ZFYVE28: variants seen among roughly 807,000 people sequenced by gnomAD.
ZFYVE28 encodes lateral signaling target protein 2 homolog.
Under a neutral mutation model 82.1 loss-of-function variants are expected in ZFYVE28, and 40 were observed. The observed-to-expected ratio is 0.49, with a 90% confidence interval of 0.38 to 0.63. The LOEUF (loss-of-function observed/expected upper bound fraction) is 0.63. ZFYVE28 is among the 30% of genes least tolerant of loss of function. ZFYVE28 has a pLI of 0.00. For missense variants in ZFYVE28, 1,321 were observed against 1,242.1 expected (o/e 1.06, Z -0.96); for synonymous variants, 612 against 546.1 (o/e 1.12, Z -1.68).
In ZFYVE28 at chr4:2,320,057, T is replaced by C; in HGVS notation, c.803+113A>G. 1.0e-6 allele frequency: 1 copy of C among 975,032 alleles called. No individual in the cohort carries two copies. The highest frequency in any genetic ancestry group is 1.5e-5 in the South Asian group (1 of 65,910). 60.4% of individuals were successfully genotyped at this position (975,032 alleles called of 1,614,324 possible). ...CTAGGGAATATTAACCAGCCCATCC[T>C]TCCTCACAGAGAGGAGGAGGACCTG... On this transcript the variant is annotated intron_variant, in intron 7 of 12. Coordinates refer to ENST00000290974, the MANE Select transcript of ZFYVE28 (RefSeq NM_020972.3). The surrounding 1 kb of genome is among the most constrained non-coding windows in gnomAD (Gnocchi z 5.1).
chr4:2,380,723 A>C (rs1728642889), intron 1 of ZFYVE28, among the ~76,000 whole-genome samples: 1 of 152,198 alleles, frequency 6.6e-6, no homozygotes, highest in African/African-American at 2.4e-5. Context: ...TAAGTCTCAC[A>C]AGGACTGATG....
chr4:2,295,835 C>T (rs1249391072), intron 8 of ZFYVE28: 1 of 152,294 alleles, frequency 6.6e-6, no homozygotes, highest in Non-Finnish European at 1.5e-5. Flanking sequence ...CAGCACTGGC[C>T]AGAGGACCAG....
At chr4:2,326,223 TG>T (rs1210437814) in intron 6 of ZFYVE28, among the ~76,000 whole-genome samples, 1 of 152,244 alleles carries the variant, frequency 6.6e-6, no homozygotes, top group African/African-American at 2.4e-5. Flanking sequence ...CATTTTGAGT[TG>T]ATTTTTTATA....
At position 2,409,318 on chromosome 4, in the gene ZFYVE28, C is replaced by A. The variant is rs1381897820; in HGVS notation, c.39+8967G>T. 6.6e-6 allele frequency among the ~76,000 whole-genome samples: 1 copy of A among 152,018 alleles called. No homozygotes were observed. The highest frequency in any genetic ancestry group is 1.5e-5 in the Non-Finnish European group (1 of 67,980). ...GCCATCCTCTCGCTGGAATCCCCGC[C>A]ACCCACCAGTCCCAGCTTCCAATCT... On this transcript the variant is annotated intron_variant, in intron 1 of 12. Coordinates refer to ENST00000290974, the MANE Select transcript of ZFYVE28 (RefSeq NM_020972.3). This position sits in a 1 kb window ranked among gnomAD's most constrained non-coding sequence, Gnocchi z 4.4.
chr4:2,290,760 C>T (rs1713524285), intron 8 of ZFYVE28, among the ~76,000 whole-genome samples: 1 of 152,140 alleles, frequency 6.6e-6, no homozygotes, highest in South Asian at 2.1e-4. Flanking sequence ...CACCTGGCTC[C>T]TTGCTTCCCC....
Position 2,270,383 on chromosome 4 carries a change from T to G in ZFYVE28, c.*342A>C. On this transcript the variant is annotated 3_prime_UTR_variant, in exon 13 of 13. Coordinates refer to ENST00000290974, the MANE Select transcript of ZFYVE28 (RefSeq NM_020972.3). ...CAGAGTGGCCCCACTCTTGTCCACC[T>G]CCATCACCCGCCCCGATTCCCATAG... 3.0e-6 allele frequency: 1 copy of G among 334,076 alleles called. No homozygotes were observed. Among genetic ancestry groups the G allele is most frequent in the Non-Finnish European group, 5.7e-6 (1 of 175,230 alleles). The allele number at this position is 334,076 out of a possible 1,614,324, so 20.7% of individuals were successfully genotyped here.
chr4:2,349,991 AC>A (rs1282281522), intron 2 of ZFYVE28, among the ~76,000 whole-genome samples: 1 of 151,332 alleles, frequency 6.6e-6, no homozygotes, highest in Non-Finnish European at 1.5e-5. Flanking sequence ...CTTCTATTCA[AC>A]TTTGTACTGG....
At chr4:2,352,256 C>T (rs542549846) in intron 2 of ZFYVE28, among the ~76,000 whole-genome samples, 48 of 152,126 alleles carry the variant, frequency 3.2e-4, no homozygotes, top group African/African-American at 1.0e-3. Context: ...CCTGGATCTG[C>T]GGGGAGGAGA....
chr4:2,333,130 G>T (rs1006430354), intron 6 of ZFYVE28, among the ~76,000 whole-genome samples: 3 of 151,700 alleles, frequency 2.0e-5, no homozygotes, highest in African/African-American at 4.8e-5. Context: ...GCGGGACAAA[G>T]CCTCTGCCAA....
At chr4:2,398,306 G>A (rs1473540688) in intron 1 of ZFYVE28, among the ~76,000 whole-genome samples, 3 of 152,210 alleles carry the variant, frequency 2.0e-5, no homozygotes, top group Non-Finnish European at 4.4e-5. Context: ...GGAGCGACCA[G>A]AACACAAAGC....
chr4:2,318,344 G>A (rs1394620482), intron 7 of ZFYVE28, among the ~76,000 whole-genome samples: 1 of 152,184 alleles, frequency 6.6e-6, no homozygotes, highest in Non-Finnish European at 1.5e-5. Flanking sequence ...GATCACCTGA[G>A]GTCAGGAGTT....
intron 8 of ZFYVE28, among the ~76,000 whole-genome samples, chr4:2,297,728 C>G (rs1038072196): frequency 6.6e-6 from 1 of 151,392 alleles, no homozygotes; most frequent in African/African-American, 2.4e-5. Context: ...CTGGGAGGAA[C>G]GGCAGAGGAC....
In ZFYVE28 at chr4:2,320,106, C is replaced by A; in HGVS notation, c.803+64G>T. 2 of 1,516,436 alleles carry A rather than the reference C, an allele frequency of 1.3e-6. No individual in the cohort carries two copies. Among genetic ancestry groups the A allele is most frequent in the Non-Finnish European group, 1.8e-6 (2 of 1,096,676 alleles). 93.9% of individuals were successfully genotyped at this position (1,516,436 alleles called of 1,614,324 possible). A position where few individuals can be genotyped will look rare whatever the true frequency, so the allele number is the denominator to read the frequency against. ...TGGAGGCGGCGGCTAAACATGACTT[C>A]AGCGCCCACCTGTGGCCCTCCTGTC... On this transcript the variant is annotated intron_variant, in intron 7 of 12. Coordinates refer to ENST00000290974, the MANE Select transcript of ZFYVE28 (RefSeq NM_020972.3). The surrounding 1 kb of genome is among the most constrained non-coding windows in gnomAD (Gnocchi z 5.1).
At chr4:2,283,669 T>C (rs1042511235) in intron 8 of ZFYVE28, among the ~76,000 whole-genome samples, 1 of 152,186 alleles carries the variant, frequency 6.6e-6, no homozygotes, top group Non-Finnish European at 1.5e-5. Context: ...AGTTCAGCCC[T>C]AAGGAGCTCA....
intron 11 of ZFYVE28, 121 bp from the exon 12 acceptor site, chr4:2,271,535 C>T: frequency 7.0e-7 from 1 of 1,425,888 alleles, no homozygotes; most frequent in Non-Finnish European, 9.8e-7. Flanking sequence ...TCCAGCCAGC[C>T]TCCGGGGGGG....
chr4:2,305,307 G>A lies in ZFYVE28; in HGVS notation c.1033C>T (p.Leu345Phe). ...MQYDDQELEQ[L>F]SRMVHRAGDE... ...CCCGCCCTGTGGACCATGCGGCTGA[G>A]CTGCTCCAGCTCCTGGTCGTCGTAC... The change falls in exon 8 of 13, where the codon CTC becomes TTC. Residue 345 changes from leucine to phenylalanine, a missense_variant. Transcript: ENST00000290974. 1 of 1,613,180 alleles carries A rather than the reference G, an allele frequency of 6.2e-7. No homozygotes were observed. The highest frequency in any genetic ancestry group is 8.5e-7 in the Non-Finnish European group (1 of 1,180,032).
chr4:2,391,763 T>C (rs1729865772), intron 1 of ZFYVE28, among the ~76,000 whole-genome samples: 1 of 139,114 alleles, frequency 7.2e-6, no homozygotes, highest in Admixed American at 7.9e-5. Flanking sequence ...TGTGACTGAG[T>C]CTTGCTCTGT....
intron 7 of ZFYVE28, among the ~76,000 whole-genome samples, chr4:2,314,715 G>C (rs1717957780): frequency 6.6e-6 from 1 of 152,100 alleles, no homozygotes; most frequent in South Asian, 2.1e-4. Flanking sequence ...AAACTCCACA[G>C]ACACTATAAT....
chr4:2,357,361 C>T (rs1210194689), intron 1 of ZFYVE28, among the ~76,000 whole-genome samples: 1 of 152,218 alleles, frequency 6.6e-6, no homozygotes, highest in Non-Finnish European at 1.5e-5. Flanking sequence ...AAGAACAGCA[C>T]CTTCCTACCA....
Sources: allele counts gnomAD v4.1 joint callset (sites outside exome capture counted in the v4.1 genomes callset), GRCh38; gene constraint gnomAD v4.1.1; non-coding constraint Gnocchi (gnomAD v3.1); transcripts MANE v1.5; gene names NCBI Gene and HGNC (gene_info 2026-07-23, HGNC 2026-07-21).